The following ZNF365 variants were observed in gnomAD, a reference collection of about 807,000 sequenced individuals.
ZNF365 encodes the protein protein ZNF365.
A neutral mutation model predicts 35.0 loss-of-function variants in ZNF365; 22 were observed. The ratio of observed to expected loss-of-function variants is 0.63; its 90% CI spans 0.45 to 0.90. The LOEUF (loss-of-function observed/expected upper bound fraction) is 0.90, where lower values mean the gene tolerates loss of function less well. ZNF365 is among the 40% of genes least tolerant of loss of function. ZNF365 has a pLI of 0.00. For synonymous variants in ZNF365, 188 were observed against 196.2 expected, an observed-to-expected ratio of 0.96 and a Z score of 0.35; for missense variants, 448 against 500.3, an observed-to-expected ratio of 0.90 and a Z score of 1.00.
In ZNF365 at chr10:62,401,934, C is replaced by T. The variant is rs1052020838; in HGVS notation, c.*2145C>T. ...TATATTAAAATGTTTTTTTACGTTCCCACTAAATTTTGACCCCATATAAAG... is the reference window on the plus strand; with the variant it reads ...TATATTAAAATGTTTTTTTACGTTCTCACTAAATTTTGACCCCATATAAAG... On this transcript the variant is annotated 3_prime_UTR_variant, in exon 5 of 5. Transcript: ENST00000395254. 1 of 985,134 alleles carries T rather than the reference C, an allele frequency of 1.0e-6. No individual in the cohort carries two copies. The highest frequency in any genetic ancestry group is 1.7e-5 in the African/African-American group (1 of 57,144). 61.0% of individuals were successfully genotyped at this position (985,134 alleles called of 1,614,324 possible). A position where few individuals can be genotyped will look rare whatever the true frequency, so the allele number is the denominator to read the frequency against.
intron 1 of ZNF365, among the ~76,000 whole-genome samples, 163 bp from the exon 2 acceptor site, chr10:62,376,018 A>C (rs565917682): frequency 6.6e-6 from 1 of 152,332 alleles, no homozygotes; most frequent in South Asian, 2.1e-4. Context: ...ATTGATGTGG[A>C]TGGATTTGGC....
chr10:62,445,425 T>C (rs1218291307), intron 3 of ZNF365, among the ~76,000 whole-genome samples: 1 of 151,970 alleles, frequency 6.6e-6, no homozygotes. Flanking sequence ...CTCCACATCC[T>C]CTCCAGCACC....
At position 62,375,986 on chromosome 10, in the gene ZNF365, G is replaced by T; in HGVS notation, c.-13-195G>T. The T allele has an allele frequency of 5.3e-6, 3 of 565,548 alleles. No individual in the cohort carries two copies. In the South Asian group the frequency reaches 7.2e-5, roughly 14 times the overall value. 35.0% of individuals were successfully genotyped at this position (565,548 alleles called of 1,614,324 possible). ...CAATAAATAATACAGAAATTGATAC[G>T]GCAGCAGTAAATAATGCAGAAATTG... On this transcript the variant is annotated intron_variant, in intron 1 of 4. Transcript: ENST00000395254.
At chr10:62,422,915 G>C (rs1840196439) in intron 3 of ZNF365, among the ~76,000 whole-genome samples, 1 of 152,106 alleles carries the variant, frequency 6.6e-6, no homozygotes, top group African/African-American at 2.4e-5. Context: ...TACTTTTGCT[G>C]TCTTGCCAAC....
At chr10:62,452,242 T>C (rs1295197401) in intron 3 of ZNF365, among the ~76,000 whole-genome samples, 2 of 152,158 alleles carry the variant, frequency 1.3e-5, no homozygotes, top group Non-Finnish European at 2.9e-5. Flanking sequence ...TATTAGTGAC[T>C]CTAGGATGTG....
In ZNF365 at chr10:62,376,204, A is replaced by C. The variant is rs1839323218; in HGVS notation, c.11A>C (p.Lys4Thr). 6.2e-7 allele frequency: 1 copy of C among 1,614,090 alleles called. No homozygotes were observed. The highest frequency in any genetic ancestry group is 2.2e-5 in the East Asian group (1 of 44,882). The change falls in exon 2 of 5, where the codon AAG becomes ACG. Residue 4 changes from lysine to threonine, a missense_variant. Physicochemically the swap from Lys to Thr is moderately conservative, Grantham distance 78. Coordinates refer to ENST00000395254, the MANE Select transcript of ZNF365 (RefSeq NM_014951.3). ...AGGACTTTTAGAGTAATGCAACAGAAGGCTTTTGAGGAAAGCAGATATCCC... is the reference window on the plus strand; with the variant it reads ...AGGACTTTTAGAGTAATGCAACAGACGGCTTTTGAGGAAAGCAGATATCCC... MQQ[K>T]AFEESRYPWQ...
At chr10:62,423,820 T>C (rs570118613) in intron 3 of ZNF365, among the ~76,000 whole-genome samples, 2 of 152,258 alleles carry the variant, frequency 1.3e-5, no homozygotes, top group Non-Finnish European at 2.9e-5. Context: ...AGAGAGGAAA[T>C]AATTATAATA....
intron 4 of ZNF365, among the ~76,000 whole-genome samples, chr10:62,463,982 C>T (rs1426302809): frequency 6.6e-6 from 1 of 152,136 alleles, no homozygotes; most frequent in Non-Finnish European, 1.5e-5. Context: ...GTGTAGTCAT[C>T]AAAATGGAGC....
At chr10:62,453,997 C>A (rs1444317839) in intron 3 of ZNF365, among the ~76,000 whole-genome samples, 1 of 152,120 alleles carries the variant, frequency 6.6e-6, no homozygotes, top group Non-Finnish European at 1.5e-5. Flanking sequence ...GAACTTACTA[C>A]CTGTTAGATA....
chr10:62,393,585 A>G (rs1420261477), intron 3 of ZNF365, among the ~76,000 whole-genome samples: 3 of 152,246 alleles, frequency 2.0e-5, no homozygotes, highest in Non-Finnish European at 1.5e-5. Context: ...GCCACACACA[A>G]ATGTACATAT....
At chr10:62,405,520 G>T (rs1205325635), downstream of ZNF365, among the ~76,000 whole-genome samples, 2 of 152,108 alleles carry the variant, frequency 1.3e-5, no homozygotes, top group East Asian at 3.9e-4. Flanking sequence ...TCCAAAAAAT[G>T]ATCCTATATG....
chr10:62,413,446 C>T (rs1046698170), intron 3 of ZNF365, among the ~76,000 whole-genome samples: 1 of 152,152 alleles, frequency 6.6e-6, no homozygotes, highest in Non-Finnish European at 1.5e-5. Flanking sequence ...CTTCTGCAAA[C>T]ACAGCAGTTA....
intron 3 of ZNF365, among the ~76,000 whole-genome samples, chr10:62,457,271 C>T (rs916017363): frequency 7.9e-5 from 12 of 152,204 alleles, no homozygotes; most frequent in African/African-American, 1.4e-4. Context: ...CGAATGGAGA[C>T]GTACTCTCCT....
At chr10:62,384,638 G>A (rs1839496222) in intron 2 of ZNF365, among the ~76,000 whole-genome samples, 1 of 152,144 alleles carries the variant, frequency 6.6e-6, no homozygotes, top group African/African-American at 2.4e-5. Context: ...GTCTCCCACA[G>A]ATACATAGTA....
In ZNF365 at chr10:62,451,795, A is replaced by G. The variant is rs943902087; in HGVS notation, c.925-7946A>G. 2.0e-5 allele frequency among the ~76,000 whole-genome samples: 3 copies of G among 152,326 alleles called. No homozygotes were observed. The South Asian group carries it at 6.2e-4, about 32-fold the overall frequency. ...CCTGTAGAGGCAGCTCCACAGCAGCATCCAGCTGACGCCACAGCCTCCTCA... is the reference window on the plus strand; with the variant it reads ...CCTGTAGAGGCAGCTCCACAGCAGCGTCCAGCTGACGCCACAGCCTCCTCA... On this transcript the variant is annotated intron_variant, in intron 3 of 4. Transcript: ENST00000395255.
At chr10:62,393,876 G>C (rs1434094815) in intron 3 of ZNF365, among the ~76,000 whole-genome samples, 2 of 152,166 alleles carry the variant, frequency 1.3e-5, no homozygotes, top group East Asian at 3.9e-4. Context: ...GGGTTGGAGG[G>C]AGGATACGTT....
At chr10:62,394,923 C>T (rs1465040205) in intron 3 of ZNF365, among the ~76,000 whole-genome samples, 3 of 152,148 alleles carry the variant, frequency 2.0e-5, no homozygotes, top group African/African-American at 7.2e-5. Flanking sequence ...TTTTGTAGTG[C>T]AGCCTTAGTG....
Position 62,414,906 on chromosome 10 carries a change from C to T in ZNF365, c.924+26330C>T, listed in dbSNP as rs547611372. ...TTCCATTCCTATTCTTTCTGTGCTT[C>T]AGTTTGAATATTTTCTATTGACCAT... On this transcript the variant is annotated intron_variant, in intron 3 of 4. Coordinates refer to the ZNF365 transcript ENST00000395255. Among the ~76,000 whole-genome samples the T allele has an allele frequency of 2.0e-5, 3 of 152,024 alleles. 1 individual carries two copies. The highest frequency in any genetic ancestry group is 2.0e-4 in the Admixed American group (3 of 15,268).
At chr10:62,460,440 G>T (rs1840829152) in intron 4 of ZNF365, among the ~76,000 whole-genome samples, 1 of 152,096 alleles carries the variant, frequency 6.6e-6, no homozygotes, top group South Asian at 2.1e-4. Context: ...GAACAACAAT[G>T]GCTAATAATA....
Sources: allele counts gnomAD v4.1 joint callset (sites outside exome capture counted in the v4.1 genomes callset), GRCh38; gene constraint gnomAD v4.1.1; transcripts MANE v1.5; gene names NCBI Gene and HGNC (gene_info 2026-07-23, HGNC 2026-07-21).